YEATS2: variants seen among roughly 807,000 people sequenced by gnomAD.
YEATS2 encodes the protein YEATS domain-containing protein 2.
A neutral mutation model predicts 163.2 loss-of-function variants in YEATS2; 77 were observed. That is an observed-to-expected ratio of 0.47 (90% CI 0.39 to 0.57). The LOEUF is 0.57. Among genes scored for constraint, YEATS2 ranks in the 20% least tolerant of loss-of-function variants. The pLI is 0.00. For missense variants in YEATS2, 1,549 were observed against 1,729.8 expected (o/e 0.90, Z 1.85); for synonymous variants, 631 against 645.1 (o/e 0.98, Z 0.33).
In YEATS2 at chr3:183,790,814, C is replaced by T. The variant is rs368744228; in HGVS notation, c.2931C>T (p.Pro977=). ...GPAQQSEGMA[P]VSSSTVSSVT... ...GTGAGCAGTCTGAAGGAATGGCTCC[C>T]GTGTCTTCATCTACGGTCAGTTCTG... The change falls in exon 21 of 31, where the codon CCC becomes CCT. Residue 977 remains proline (P), a synonymous_variant. Transcript: ENST00000305135. The T allele has an allele frequency of 7.1e-5, 114 of 1,613,808 alleles. No individual in the cohort carries two copies. Among genetic ancestry groups the T allele is most frequent in the Non-Finnish European group, 9.0e-5 (106 of 1,179,888 alleles).
At chr3:183,710,566 T>TA (rs915676531) in intron 1 of YEATS2, among the ~76,000 whole-genome samples, 3 of 152,180 alleles carry the variant, frequency 2.0e-5, no homozygotes, top group Admixed American at 2.0e-4. Flanking sequence ...AAAGGCTGCA[T>TA]AAAAAATGAA....
intron 19 of YEATS2, 106 bp downstream of exon 19, chr3:183,777,806 G>C: frequency 7.1e-7 from 1 of 1,417,668 alleles, no homozygotes; most frequent in Non-Finnish European, 9.4e-7. Flanking sequence ...GGTTACATAA[G>C]AAAATGAACA....
intron 8 of YEATS2, among the ~76,000 whole-genome samples, chr3:183,738,529 T>G (rs1718601377): frequency 7.3e-6 from 1 of 137,762 alleles, no homozygotes; most frequent in Non-Finnish European, 1.6e-5. Flanking sequence ...CTTAGGTATA[T>G]CTCCCAATGC....
At chr3:183,765,208 G>A (rs1464422491) in intron 15 of YEATS2, among the ~76,000 whole-genome samples, 2 of 152,144 alleles carry the variant, frequency 1.3e-5, no homozygotes, top group East Asian at 1.9e-4. Flanking sequence ...CAGGCTTGTC[G>A]TATATGTACC....
chr3:183,710,346 A>G (rs189936217), intron 1 of YEATS2, among the ~76,000 whole-genome samples: 3 of 152,214 alleles, frequency 2.0e-5, no homozygotes, highest in Non-Finnish European at 4.4e-5. Context: ...TTATTATATC[A>G]TCATGAGAGC....
chr3:183,794,125 G>A (rs1472433854), intron 21 of YEATS2, among the ~76,000 whole-genome samples: 1 of 152,032 alleles, frequency 6.6e-6, no homozygotes, highest in African/African-American at 2.4e-5. Flanking sequence ...CCACTGGAGG[G>A]TTTTAAGCTA....
At chr3:183,793,386 C>G in intron 21 of YEATS2, 1 of 1,085,732 alleles carries the variant, frequency 9.2e-7, no homozygotes, top group Non-Finnish European at 1.1e-6. Flanking sequence ...TGACCAACTT[C>G]TAGTATAGGG....
At chr3:183,783,413 C>A (rs1490850226) in intron 19 of YEATS2, among the ~76,000 whole-genome samples, 1 of 152,154 alleles carries the variant, frequency 6.6e-6, no homozygotes, top group Non-Finnish European at 1.5e-5. Flanking sequence ...ATAATTTAAA[C>A]TTTTATTTTA....
In YEATS2 at chr3:183,773,718, C is replaced by T. The variant is rs1722700298; in HGVS notation, c.2292C>T (p.Asn764=). The T allele has an allele frequency of 2.5e-6, 4 of 1,613,672 alleles. No homozygotes were observed. The highest frequency in any genetic ancestry group is 2.2e-5 in the South Asian group (2 of 90,964). The change falls in exon 17 of 31, where the codon AAC becomes AAT. Residue 764 remains asparagine, a synonymous_variant. Transcript: ENST00000305135. ...GCACTAAACTCTACCTAACTACAAA[C>T]AGCAAGAACCCTTCAGGAAAAGGAA... ...PPGTKLYLTT[N]SKNPSGKGKL...
chr3:183,800,001 T>A (rs1330261223), intron 23 of YEATS2, among the ~76,000 whole-genome samples: 3 of 151,338 alleles, frequency 2.0e-5, no homozygotes, highest in Admixed American at 6.6e-5. Flanking sequence ...CCCGGCTAAT[T>A]TTTTGTATTT....
At chr3:183,810,414 T>C (rs1726687379) in intron 30 of YEATS2, 61 bp from the exon 31 acceptor site, 1 of 1,454,406 alleles carries the variant, frequency 6.9e-7, no homozygotes, top group South Asian at 1.2e-5. Context: ...GTTAAGTGAA[T>C]AAATGATGAG....
intron 9 of YEATS2, among the ~76,000 whole-genome samples, chr3:183,749,617 C>G (rs1719946226): frequency 6.6e-6 from 1 of 152,008 alleles, no homozygotes; most frequent in African/African-American, 2.4e-5. Context: ...GTCAGAATTT[C>G]CTTCCTTTGT....
At position 183,758,737 on chromosome 3, in the gene YEATS2, T is replaced by C. The variant is rs1721026817; in HGVS notation, c.1553-125T>C. 4.1e-6 allele frequency: 3 copies of C among 726,214 alleles called. No homozygotes were observed. In the South Asian group the frequency reaches 5.3e-5, roughly 13 times the overall value. The allele number at this position is 726,214 out of a possible 1,614,324, so 45.0% of individuals were successfully genotyped here. A position where few individuals can be genotyped will look rare whatever the true frequency, so the allele number is the denominator to read the frequency against. On this transcript the variant is annotated intron_variant, in intron 12 of 30. Transcript: ENST00000305135. ...TCCATACTAGTTTCAGCCTTAACAA[T>C]GAGTTTTCAACCCTTAAACATGAAA...
intron 15 of YEATS2, 40 bp downstream of exon 15, chr3:183,762,319 G>C: frequency 1.3e-6 from 2 of 1,503,682 alleles, no homozygotes; most frequent in Non-Finnish European, 1.8e-6. Flanking sequence ...ACATGTAAAT[G>C]ATGTTGTTTG....
chr3:183,805,122 G>A lies in YEATS2; in HGVS notation c.3784+934G>A, dbSNP rs115103213. 7.6e-3 allele frequency among the ~76,000 whole-genome samples: 1,162 copies of A among 152,230 alleles called. 9 individuals are homozygous for A. Among genetic ancestry groups the A allele is most frequent in the African/African-American group, 0.027 (1,113 of 41,514 alleles). ...CTCAAAGAATAAGAAGGGTTGGGCCGGGCGTAGTGGCTCATGCCCGTAATC... is the reference window on the plus strand; with the variant it reads ...CTCAAAGAATAAGAAGGGTTGGGCCAGGCGTAGTGGCTCATGCCCGTAATC... On this transcript the variant is annotated intron_variant, in intron 27 of 30. Transcript: ENST00000305135.
intron 20 of YEATS2, 85 bp downstream of exon 20, chr3:183,786,386 T>C (rs1724069763): frequency 7.5e-7 from 1 of 1,336,924 alleles, no homozygotes; most frequent in Non-Finnish European, 1.0e-6. Context: ...GGCACACCAG[T>C]GGACCTTTTA....
At chr3:183,751,182 C>T (rs576667756) in intron 9 of YEATS2, among the ~76,000 whole-genome samples, 3 of 152,310 alleles carry the variant, frequency 2.0e-5, no homozygotes, top group South Asian at 2.1e-4. Context: ...GTTTCCCTGG[C>T]ACCATTTGCT....
intron 19 of YEATS2, among the ~76,000 whole-genome samples, chr3:183,779,777 AGCCTCC>A (rs1050685314): frequency 1.3e-5 from 2 of 151,900 alleles, no homozygotes; most frequent in African/African-American, 4.8e-5. Flanking sequence ...GGCTCACTGC[AGCCTCC>A]GCCTCCTGGG....
chr3:183,720,802 C>G (rs376393328), intron 4 of YEATS2, among the ~76,000 whole-genome samples: 1 of 152,100 alleles, frequency 6.6e-6, no homozygotes, highest in Non-Finnish European at 1.5e-5. Context: ...GGGCAGTGCT[C>G]CCTCCTAAGG....
Sources: allele counts gnomAD v4.1 joint callset (sites outside exome capture counted in the v4.1 genomes callset), GRCh38; gene constraint gnomAD v4.1.1; transcripts MANE v1.5; gene names NCBI Gene and HGNC (gene_info 2026-07-23, HGNC 2026-07-21).